Variants in PRMT3 observed in about 807,000 individuals in gnomAD.
PRMT3 encodes the protein protein arginine methyltransferase 3.
PRMT3 carries 62 observed loss-of-function variants against 71.9 expected under a neutral mutation model. The ratio of observed to expected loss-of-function variants is 0.86; its 90% CI spans 0.70 to 1.07. PRMT3 has a LOEUF of 1.07. Among genes scored for constraint, PRMT3 ranks in the 50% least tolerant of loss-of-function variants. The pLI, the probability that PRMT3 is intolerant of heterozygous loss-of-function variation, is 0.00. For missense variants in PRMT3, 663 were observed against 643.0 expected (o/e 1.03, Z -0.34); for synonymous variants, 213 against 220.4 (o/e 0.97, Z 0.30).
intron 10 of PRMT3, among the ~76,000 whole-genome samples, chr11:20,440,001 G>A (rs1849849905): frequency 6.6e-6 from 1 of 152,100 alleles, no homozygotes; most frequent in African/African-American, 2.4e-5. Flanking sequence ...AGAGTAGTGA[G>A]GAAAGGATGA....
chr11:20,423,444 C>G (rs537492843), intron 9 of PRMT3, among the ~76,000 whole-genome samples: 2 of 152,180 alleles, frequency 1.3e-5, no homozygotes, highest in Non-Finnish European at 1.5e-5. Context: ...CACGGCTGGG[C>G]CTTTTTGTTT....
rs779815192 is a variant in PRMT3, at chr11:20,395,869, C to T, written c.467C>T (p.Thr156Ile). ...TACCCCAATGGACTCAGTGAAAATACATCTGTTGTTGAAAAATTGAAACAT... is the reference window on the plus strand; with the variant it reads ...TACCCCAATGGACTCAGTGAAAATATATCTGTTGTTGAAAAATTGAAACAT... Reference protein sequence around the residue: ...FSYPNGLSENTSVVEKLKHME... With the variant: ...FSYPNGLSENISVVEKLKHME... Residue 156 changes from threonine (T) to isoleucine (I), a missense_variant, in exon 6 of 16, where the codon ACA becomes ATA. Transcript: ENST00000331079. 45 of 1,613,916 alleles carry T rather than the reference C, an allele frequency of 2.8e-5. No homozygotes were observed. The highest frequency in any genetic ancestry group is 3.7e-5 in the Non-Finnish European group (44 of 1,179,984).
chr11:20,414,561 A>G (rs1317403972), intron 9 of PRMT3, among the ~76,000 whole-genome samples: 3 of 152,160 alleles, frequency 2.0e-5, no homozygotes, highest in East Asian at 1.9e-4. Flanking sequence ...TACTGTGTTT[A>G]TTACCCTCAG....
At position 20,407,951 on chromosome 11, in the gene PRMT3, T is replaced by C. The variant is rs1849108872; in HGVS notation, c.812T>C (p.Met271Thr). Reference protein sequence around the residue: ...DVGCGTGILSMFAAKAGAKKV... With the variant: ...DVGCGTGILSTFAAKAGAKKV... ...GGGTGTGGAACTGGAATTCTCTCTA[T>C]GTTTGCTGCTAAAGCTGGGGCGAAG... The change falls in exon 9 of 16, where the codon ATG becomes ACG. Residue 271 changes from methionine to threonine, a missense_variant. Physicochemically the swap from Met to Thr is moderately conservative, Grantham distance 81. Transcript: ENST00000331079. 6.2e-7 allele frequency: 1 copy of C among 1,611,068 alleles called. No individual in the cohort carries two copies. The highest frequency in any genetic ancestry group is 8.5e-7 in the Non-Finnish European group (1 of 1,177,350).
In PRMT3 at chr11:20,501,077, TAGA is replaced by T. The variant is rs932535308; in HGVS notation, c.1486+6826_1486+6828del. Among the ~76,000 whole-genome samples the T allele has an allele frequency of 1.1e-4, 16 of 152,328 alleles. No individual in the cohort carries two copies. The South Asian group carries it at 1.4e-3, about 14-fold the overall frequency. On this transcript the variant is annotated intron_variant, in intron 15 of 15. Transcript: ENST00000331079. ...CTTTTGTCCAAGATGTTTTTCTACC[TAGA>T]AGGTTGTTTTGACCTCTTTCACTTG... is the stretch of plus-strand genomic sequence containing the variant.
intron 9 of PRMT3, among the ~76,000 whole-genome samples, chr11:20,411,780 C>T (rs184246151): frequency 6.0e-4 from 92 of 152,172 alleles, no homozygotes; most frequent in Admixed American, 5.0e-3. Flanking sequence ...AAAATAATCA[C>T]ATTTTAAAAA....
At chr11:20,421,145 C>A (rs1849416530) in intron 9 of PRMT3, among the ~76,000 whole-genome samples, 1 of 152,106 alleles carries the variant, frequency 6.6e-6, no homozygotes, top group South Asian at 2.1e-4. Context: ...CCCAAGTGAT[C>A]CTCCTACCTT....
At chr11:20,475,888 C>T (rs2133424349) in intron 13 of PRMT3, among the ~76,000 whole-genome samples, 1 of 151,646 alleles carries the variant, frequency 6.6e-6, no homozygotes, top group African/African-American at 2.4e-5. Flanking sequence ...ATTGGCCAGG[C>T]TAGTCTTGAA....
intron 9 of PRMT3, among the ~76,000 whole-genome samples, chr11:20,426,213 C>T (rs149858620): frequency 2.0e-5 from 3 of 152,322 alleles, no homozygotes; most frequent in African/African-American, 7.2e-5. Flanking sequence ...ACATGTATAG[C>T]TTTCACAAGT....
At chr11:20,504,063 A>G (rs1407039613) in intron 15 of PRMT3, among the ~76,000 whole-genome samples, 1 of 152,058 alleles carries the variant, frequency 6.6e-6, no homozygotes, top group Non-Finnish European at 1.5e-5. Context: ...CATTTGCCTG[A>G]TGTGATGTTG....
At chr11:20,441,881 C>T (rs938721355) in intron 10 of PRMT3, among the ~76,000 whole-genome samples, 2 of 150,572 alleles carry the variant, frequency 1.3e-5, no homozygotes, top group African/African-American at 4.9e-5. Flanking sequence ...TAACCTCTGC[C>T]CCCCAGGTTC....
At chr11:20,435,566 G>T (rs1380508884) in intron 10 of PRMT3, among the ~76,000 whole-genome samples, 1 of 151,802 alleles carries the variant, frequency 6.6e-6, no homozygotes, top group Non-Finnish European at 1.5e-5. Context: ...TTTGCATATG[G>T]ATATCCATTC....
At chr11:20,488,283 C>T (rs955159540) in intron 13 of PRMT3, among the ~76,000 whole-genome samples, 3 of 152,142 alleles carry the variant, frequency 2.0e-5, no homozygotes, top group Non-Finnish European at 4.4e-5. Flanking sequence ...CTGTATGTGG[C>T]AGCTCGTATA....
chr11:20,473,013 GGTTTTCTA>G (rs1229279379), intron 13 of PRMT3, among the ~76,000 whole-genome samples: 1 of 151,966 alleles, frequency 6.6e-6, no homozygotes, highest in Non-Finnish European at 1.5e-5. Flanking sequence ...ATTTCTTCTA[GGTTTTCTA>G]GTTTATATAC....
chr11:20,391,319 C>T (rs1848709658), intron 3 of PRMT3, among the ~76,000 whole-genome samples: 1 of 151,866 alleles, frequency 6.6e-6, no homozygotes, highest in Admixed American at 6.5e-5. Context: ...GATCTCGGCT[C>T]ACTGCAACCT....
chr11:20,390,602 A>G (rs1565190105), intron 3 of PRMT3, among the ~76,000 whole-genome samples: 2 of 152,256 alleles, frequency 1.3e-5, no homozygotes, highest in Admixed American at 6.5e-5. Context: ...TGATGTTTCT[A>G]TTGAAACTTT....
intron 3 of PRMT3, 42 bp from the exon 4 acceptor site, chr11:20,392,167 ACT>A (rs780324870): frequency 6.5e-7 from 1 of 1,546,062 alleles, no homozygotes; most frequent in Admixed American, 1.9e-5. Context: ...GTTAAACAAA[ACT>A]CATTATGTTA....
chr11:20,414,666 CTT>C (rs1361959124), intron 9 of PRMT3, among the ~76,000 whole-genome samples: 1 of 152,082 alleles, frequency 6.6e-6, no homozygotes, highest in African/African-American at 2.4e-5. Flanking sequence ...ATTATTCAGA[CTT>C]TCAGATGTTA....
intron 9 of PRMT3, among the ~76,000 whole-genome samples, chr11:20,410,651 A>G (rs775064499): frequency 1.4e-4 from 22 of 152,080 alleles, no homozygotes; most frequent in Non-Finnish European, 3.1e-4. Context: ...TTTATTAGTT[A>G]GAAGACCTTC....
Sources: allele counts gnomAD v4.1 joint callset (sites outside exome capture counted in the v4.1 genomes callset), GRCh38; gene constraint gnomAD v4.1.1; transcripts MANE v1.5; gene names NCBI Gene and HGNC (gene_info 2026-07-23, HGNC 2026-07-21).